Variants in ADAMTSL1 observed in about 807,000 individuals in gnomAD.
ADAMTSL1 encodes the protein ADAMTS-like protein 1.
Under a neutral mutation model 201.8 loss-of-function variants are expected in ADAMTSL1, and 126 were observed. The observed-to-expected ratio is 0.62, with a 90% confidence interval of 0.54 to 0.72. ADAMTSL1 has a LOEUF of 0.72. ADAMTSL1 is among the 30% of genes least tolerant of loss of function. The pLI is 0.00. For missense variants in ADAMTSL1, 2,679 were observed against 2,277.8 expected (o/e 1.18, Z -3.59); for synonymous variants, 1,121 against 903.4 (o/e 1.24, Z -4.32).
intron 20 of ADAMTSL1, chr9:18,796,444 AT>A (rs1434602958): frequency 1.3e-5 from 2 of 152,216 alleles, no homozygotes; most frequent in South Asian, 4.2e-4. Flanking sequence ...ATTCTTTTCA[AT>A]TGCTGCTCTC....
At chr9:18,853,494 C>T (rs927354100) in intron 23 of ADAMTSL1, among the ~76,000 whole-genome samples, 1 of 152,158 alleles carries the variant, frequency 6.6e-6, no homozygotes, top group Non-Finnish European at 1.5e-5. Context: ...GTTAACAGGT[C>T]CAAGAGGAGT....
intron 15 of ADAMTSL1, among the ~76,000 whole-genome samples, chr9:18,734,557 C>A (rs751116162): frequency 6.6e-6 from 1 of 152,046 alleles, no homozygotes; most frequent in Non-Finnish European, 1.5e-5. Context: ...GACCCTGGGC[C>A]GCGCACTAAC....
At chr9:17,949,662 G>A (rs949041882) in intron 1 of ADAMTSL1, among the ~76,000 whole-genome samples, 2 of 152,152 alleles carry the variant, frequency 1.3e-5, no homozygotes, top group South Asian at 4.1e-4. Context: ...AGGCAGCATG[G>A]TAGTAGAAAC....
chr9:18,332,586 G>C (rs1412574678), intron 2 of ADAMTSL1, among the ~76,000 whole-genome samples: 4 of 152,096 alleles, frequency 2.6e-5, no homozygotes, highest in Non-Finnish European at 5.9e-5. Flanking sequence ...GAGTAGCTGG[G>C]ACTAAAGGCG....
At chr9:18,043,599 C>T (rs988126197) in intron 1 of ADAMTSL1, among the ~76,000 whole-genome samples, 1 of 151,886 alleles carries the variant, frequency 6.6e-6, no homozygotes, top group African/African-American at 2.4e-5. Flanking sequence ...CTTATGGAGA[C>T]GGGTGTTCCC....
intron 2 of ADAMTSL1, among the ~76,000 whole-genome samples, chr9:18,238,958 C>T: frequency 6.6e-6 from 1 of 152,160 alleles, no homozygotes; most frequent in East Asian, 1.9e-4. Context: ...GTGAGTCACA[C>T]AATTTTGTGG....
At chr9:18,240,474 T>C (rs1395118239) in intron 2 of ADAMTSL1, among the ~76,000 whole-genome samples, 3 of 152,236 alleles carry the variant, frequency 2.0e-5, no homozygotes, top group Admixed American at 6.5e-5. Flanking sequence ...AGTTTTAACA[T>C]AATTCTTAGG....
chr9:17,989,667 A>G (rs899788759), intron 1 of ADAMTSL1, among the ~76,000 whole-genome samples: 4 of 152,098 alleles, frequency 2.6e-5, no homozygotes, highest in East Asian at 1.9e-4. Context: ...AACTTAACCA[A>G]CAAGAGTATT....
chr9:18,036,068 G>A (rs1032358559), intron 1 of ADAMTSL1, among the ~76,000 whole-genome samples: 2 of 152,144 alleles, frequency 1.3e-5, no homozygotes, highest in African/African-American at 4.8e-5. Context: ...TCATGTAGGA[G>A]GTCACTGAAG....
At chr9:18,086,833 T>C (rs1184659051) in intron 1 of ADAMTSL1, among the ~76,000 whole-genome samples, 3 of 152,210 alleles carry the variant, frequency 2.0e-5, no homozygotes, top group African/African-American at 7.2e-5. Context: ...TTTTTCATAG[T>C]ATTAGCTTCG....
intron 2 of ADAMTSL1, among the ~76,000 whole-genome samples, chr9:18,512,326 T>C (rs1032799883): frequency 6.6e-6 from 1 of 152,160 alleles, no homozygotes; most frequent in Non-Finnish European, 1.5e-5. Context: ...TGGCCTGGTT[T>C]ATCCCATAAG....
chr9:18,481,550 G>T (rs939709266), intron 1 of ADAMTSL1, among the ~76,000 whole-genome samples: 1 of 151,684 alleles, frequency 6.6e-6, no homozygotes, highest in African/African-American at 2.4e-5. Flanking sequence ...GTAGGCAACA[G>T]TTCTGTGATG....
intron 23 of ADAMTSL1, among the ~76,000 whole-genome samples, chr9:18,870,408 C>G (rs1011275259): frequency 6.6e-6 from 1 of 152,202 alleles, no homozygotes; most frequent in South Asian, 2.1e-4. Flanking sequence ...TAGCCTCTAT[C>G]TTCCCTGCAG....
chr9:18,045,579 G>T (rs976943611), intron 1 of ADAMTSL1, among the ~76,000 whole-genome samples: 1 of 152,058 alleles, frequency 6.6e-6, no homozygotes, highest in Non-Finnish European at 1.5e-5. Context: ...GTCCCAGAGG[G>T]AATTTCATTG....
At chr9:18,799,744 T>C (rs1298034229) in intron 20 of ADAMTSL1, among the ~76,000 whole-genome samples, 1 of 150,650 alleles carries the variant, frequency 6.6e-6, no homozygotes, top group Non-Finnish European at 1.5e-5. Flanking sequence ...TTTCCTAGCA[T>C]GTTTTTTTGC....
At chr9:18,682,530 T>C (rs1185024866) in intron 12 of ADAMTSL1, among the ~76,000 whole-genome samples, 1 of 152,164 alleles carries the variant, frequency 6.6e-6, no homozygotes, top group East Asian at 1.9e-4. Flanking sequence ...GAACTAAGCA[T>C]TTAGTGAGCC....
At chr9:18,832,193 C>T (rs1160578656) in intron 23 of ADAMTSL1, among the ~76,000 whole-genome samples, 2 of 152,130 alleles carry the variant, frequency 1.3e-5, no homozygotes, top group Admixed American at 6.5e-5. Flanking sequence ...ATCCTAATGC[C>T]CTCCTTCCAT....
chr9:18,048,730 C>T (rs951742534), intron 1 of ADAMTSL1, among the ~76,000 whole-genome samples: 2 of 152,160 alleles, frequency 1.3e-5, no homozygotes, highest in Non-Finnish European at 2.9e-5. Context: ...AGTTGCTTTC[C>T]TTCGTCCTTA....
chr9:18,268,521 CAT>C (rs937120729), intron 2 of ADAMTSL1, among the ~76,000 whole-genome samples: 5 of 152,256 alleles, frequency 3.3e-5, no homozygotes, highest in South Asian at 2.1e-4. Context: ...AACTATGACA[CAT>C]GTGTGAAGCA....
Sources: gnomAD v4.1 joint callset for allele counts (sites outside exome capture counted in the v4.1 genomes callset) on GRCh38, gnomAD v4.1.1 for gene constraint, MANE v1.5 for transcripts, NCBI Gene and HGNC (gene_info 2026-07-23, HGNC 2026-07-21) for gene names.